The following ITLN2 variants were observed in gnomAD, a reference collection of about 807,000 sequenced individuals.
The protein encoded by ITLN2 is intelectin-2.
Under a neutral mutation model 39.4 loss-of-function variants are expected in ITLN2, and 29 were observed. The observed-to-expected ratio is 0.74, with a 90% CI of 0.55 to 1.00. ITLN2 has a LOEUF of 1.00. Among genes scored for constraint, ITLN2 ranks in the 50% least tolerant of loss-of-function variants. The probability of loss-of-function intolerance (pLI) is 0.00; values close to 1 mark genes in which losing one functional copy is unlikely to be tolerated. For synonymous variants in ITLN2, 156 were observed against 153.4 expected (o/e 1.02, Z -0.12); for missense variants, 412 against 416.7 (o/e 0.99, Z 0.10).
At chr1:160,948,171 A>C in intron 6 of ITLN2, 139 bp from the exon 7 acceptor site, 2 of 650,084 alleles carry the variant, frequency 3.1e-6, no homozygotes, top group Non-Finnish European at 5.4e-6. Flanking sequence ...GGTGCAGCCC[A>C]GTACCTTTAT....
Position 160,950,568 on chromosome 1 carries a change from C to A in ITLN2, c.585G>T (p.Leu195=). 1 of 1,613,982 alleles carries A rather than the reference C, an allele frequency of 6.2e-7. No individual in the cohort carries two copies. The highest frequency in any genetic ancestry group is 1.1e-5 in the South Asian group (1 of 91,058). Residue 195 remains leucine, a synonymous_variant, in exon 5 of 8, where the codon CTG becomes CTT. Coordinates refer to ENST00000368029, the MANE Select transcript of ITLN2 (RefSeq NM_080878.3). ...TGFLQRLGHN[L]FGIYQKYPVK... is the part of the protein sequence containing the mutation. ...CCCTGTGTACCTGGTAGATGCCAAACAGATTATGTCCCAGTCTCTGGAGGA... is the reference window on the plus strand; with the variant it reads ...CCCTGTGTACCTGGTAGATGCCAAAAAGATTATGTCCCAGTCTCTGGAGGA...
chr1:160,951,694 C>T (rs974630121), intron 3 of ITLN2, among the ~76,000 whole-genome samples: 1 of 152,330 alleles, frequency 6.6e-6, no homozygotes, highest in African/African-American at 2.4e-5. Context: ...GAGTTCCCCT[C>T]CTGTTCACAA....
At chr1:160,946,475 G>A (rs1165738196) in intron 7 of ITLN2, among the ~76,000 whole-genome samples, 2 of 152,254 alleles carry the variant, frequency 1.3e-5, no homozygotes, top group African/African-American at 4.8e-5. Flanking sequence ...ACTTTGGGAG[G>A]CCGAGACGGG....
rs147123034 is a variant in ITLN2, at chr1:160,951,056, C to T, written c.428G>A (p.Ser143Asn). 1.3e-3 allele frequency: 2,130 copies of T among 1,614,124 alleles called. No individual in the cohort carries two copies. The highest frequency in any genetic ancestry group is 1.7e-3 in the Non-Finnish European group (2,024 of 1,180,052). The change falls in exon 4 of 8, where the codon AGC becomes AAC. Residue 143 changes from serine (S) to asparagine (N), a missense_variant. Transcript: ENST00000368029. ...AGTGGCACCAACCTTGTAGTCATCGCTCGTGGCCGCCTCTGCAGATCCAAA... is the reference window on the plus strand; with the variant it reads ...AGTGGCACCAACCTTGTAGTCATCGTTCGTGGCCGCCTCTGCAGATCCAAA... ...NTFGSAEAAT[S>N]DDYKNPGYYD...
In ITLN2 at chr1:160,951,058, C is replaced by G; in HGVS notation, c.426G>C (p.Thr142=). The G allele has an allele frequency of 6.2e-7, 1 of 1,614,218 alleles. No individual in the cohort carries two copies. Among genetic ancestry groups the G allele is most frequent in the African/African-American group, 1.3e-5 (1 of 75,064 alleles). ...YNTFGSAEAA[T]SDDYKNPGYY... is the part of the protein sequence containing the mutation. ...TGGCACCAACCTTGTAGTCATCGCTCGTGGCCGCCTCTGCAGATCCAAAGG... is the reference window on the plus strand; with the variant it reads ...TGGCACCAACCTTGTAGTCATCGCTGGTGGCCGCCTCTGCAGATCCAAAGG... Residue 142 remains threonine (T), a synonymous_variant, in exon 4 of 8, where the codon ACG becomes ACC. Transcript: ENST00000368029.
At position 160,950,674 on chromosome 1, in the gene ITLN2, C is replaced by A. The variant is rs745954582; in HGVS notation, c.479G>T (p.Gly160Val). 6.2e-7 allele frequency: 1 copy of A among 1,614,054 alleles called. No individual in the cohort carries two copies. Among genetic ancestry groups the A allele is most frequent in the Non-Finnish European group, 8.5e-7 (1 of 1,179,968 alleles). ...GYYDIQAKDL[G>V]IWHVPNKSPM... ...GGACTTGTTGGGCACATGCCAGATG[C>A]CCAGGTCCTTGGCCTGGATGTCGTA... The change falls in exon 5 of 8, where the codon GGC (glycine) becomes GTC (valine). Residue 160 changes from glycine to valine, a missense_variant. Gly to Val is a moderately radical substitution (Grantham distance 109, BLOSUM62 -3). Coordinates refer to ENST00000368029, the MANE Select transcript of ITLN2 (RefSeq NM_080878.3).
At chr1:160,949,637 G>T (rs1167480504) in intron 6 of ITLN2, 1 of 174,066 alleles carries the variant, frequency 5.7e-6, no homozygotes, top group Non-Finnish European at 1.2e-5. Flanking sequence ...CACAGCACAT[G>T]TCTCTGTGAG....
At chr1:160,947,478 C>G (rs138518886) in intron 7 of ITLN2, among the ~76,000 whole-genome samples, 1 of 152,144 alleles carries the variant, frequency 6.6e-6, no homozygotes. Context: ...AGACCCTTTA[C>G]GGGTGTCAGG....
intron 7 of ITLN2, among the ~76,000 whole-genome samples, chr1:160,946,882 G>A (rs1671617090): frequency 6.6e-6 from 1 of 152,038 alleles, no homozygotes; most frequent in Non-Finnish European, 1.5e-5. Context: ...ACACACATGT[G>A]CATACCCATG....
rs777310573 is a variant in ITLN2, at chr1:160,948,003, G to A, written c.751C>T (p.Arg251Trp). The A allele has an allele frequency of 4.2e-5, 68 of 1,613,870 alleles. No homozygotes were observed. Among genetic ancestry groups the A allele is most frequent in the South Asian group, 2.4e-4 (22 of 91,080 alleles). The change falls in exon 7 of 8, where the codon CGG becomes TGG. Residue 251 changes from arginine (R) to tryptophan (W), a missense_variant. Transcript: ENST00000368029. ...GCTGCTCTCTCGTTATTAAACACCC[G>A]GAACTGAACGAATCCTGCAACAAAT... ...REFVAGFVQF[R>W]VFNNERAANA...
intron 5 of ITLN2, 34 bp from the exon 6 acceptor site, chr1:160,950,200 C>G: frequency 6.2e-7 from 1 of 1,610,852 alleles, no homozygotes; most frequent in Non-Finnish European, 8.5e-7. Flanking sequence ...TTTGTGAGGA[C>G]AGTAGAGATG....
intron 3 of ITLN2, 28 bp from the exon 4 acceptor site, chr1:160,951,318 C>A: frequency 6.5e-7 from 1 of 1,543,782 alleles, no homozygotes; most frequent in Non-Finnish European, 8.7e-7. Context: ...CCAGAGCCTC[C>A]CTGTCTGAGA....
At chr1:160,946,088 C>T (rs1671593857) in intron 7 of ITLN2, among the ~76,000 whole-genome samples, 1 of 151,964 alleles carries the variant, frequency 6.6e-6, no homozygotes, top group African/African-American at 2.4e-5. Context: ...GGGCAGATTG[C>T]CTGAGGTCAG....
At chr1:160,954,509 T>TTC in intron 1 of ITLN2, 59 bp from the exon 2 acceptor site, 1 of 1,410,724 alleles carries the variant, frequency 7.1e-7, no homozygotes, top group Non-Finnish European at 9.8e-7. Context: ...CATCCTCTCG[T>TTC]TCTTACTTCC....
At chr1:160,947,787 G>A in intron 7 of ITLN2, 142 bp downstream of exon 7, 2 of 610,160 alleles carry the variant, frequency 3.3e-6, no homozygotes, top group Non-Finnish European at 5.8e-6. Flanking sequence ...CAGGTTAACA[G>A]CATCTCAAAG....
At position 160,954,417 on chromosome 1, in the gene ITLN2, A is replaced by G; in HGVS notation, c.49T>C (p.Phe17Leu). Residue 17 changes from phenylalanine (F) to leucine (L), a missense_variant, in exon 2 of 8, where the codon TTC becomes CTC. Physicochemically the swap from Phe to Leu is conservative, Grantham distance 22 (BLOSUM62 0). Coordinates refer to ENST00000368029, the MANE Select transcript of ITLN2 (RefSeq NM_080878.3). ...CTGCACCCACTGGTGGCCACAGAGA[A>G]GAATAACAGGAAGCAGAGTCTGGTC... ...TMTRLCFLLF[F>L]SVATSGCSAA... 6.3e-7 allele frequency: 1 copy of G among 1,580,866 alleles called. No homozygotes were observed. The highest frequency in any genetic ancestry group is 8.6e-7 in the Non-Finnish European group (1 of 1,161,946).
intron 6 of ITLN2, chr1:160,948,758 C>T (rs1671664657): frequency 6.6e-6 from 1 of 152,334 alleles, no homozygotes; most frequent in Non-Finnish European, 1.5e-5. Flanking sequence ...TCCCGAGGAG[C>T]TGGGATTACA....
chr1:160,949,975 T>C, intron 6 of ITLN2, 71 bp downstream of exon 6: 1 of 1,405,384 alleles, frequency 7.1e-7, no homozygotes, highest in Non-Finnish European at 9.9e-7. Flanking sequence ...TTATTAATTG[T>C]TGTTATTTGC....
Position 160,954,445 on chromosome 1 carries a change from T to A in ITLN2, c.21A>T (p.Thr7=), listed in dbSNP as rs770279856. The change falls in exon 2 of 8, where the codon ACA becomes ACT. Residue 7 remains threonine (T), a synonymous_variant. Transcript: ENST00000368029. MLSMLR[T]MTRLCFLLFF... is the part of the protein sequence containing the mutation. ...ATAACAGGAAGCAGAGTCTGGTCAT[T>A]GTCCTCTAAGGAAAAACAAGATGCA... The A allele has an allele frequency of 2.8e-5, 44 of 1,578,880 alleles. No homozygotes were observed. Among genetic ancestry groups the A allele is most frequent in the Non-Finnish European group, 3.4e-5 (40 of 1,160,766 alleles).
Sources: gnomAD v4.1 joint callset for allele counts (sites outside exome capture counted in the v4.1 genomes callset) on GRCh38, gnomAD v4.1.1 for gene constraint, MANE v1.5 for transcripts, NCBI Gene and HGNC (gene_info 2026-07-23, HGNC 2026-07-21) for gene names.